TTN: variants seen among roughly 807,000 people sequenced by gnomAD.
TTN encodes the protein titin, also known as connectin.
TTN carries 1,525 observed loss-of-function variants against 3,223.0 expected under a neutral mutation model. The ratio of observed to expected loss-of-function variants is 0.47; its 90% CI spans 0.45 to 0.49. The LOEUF is 0.49. TTN is among the 20% of genes least tolerant of loss of function. TTN has a pLI of 0.00. For missense variants in TTN, 40,786 were observed against 43,424.0 expected (o/e 0.94, Z 5.40); for synonymous variants, 14,094 against 15,161.0 (o/e 0.93, Z 5.17).
In TTN at chr2:178,652,839, G is replaced by A. The variant is rs1394475514; in HGVS notation, c.38959+9C>T. 2.5e-6 allele frequency: 4 copies of A among 1,610,288 alleles called. No individual in the cohort carries two copies. Among genetic ancestry groups the A allele is most frequent in the Non-Finnish European group, 3.4e-6 (4 of 1,178,676 alleles). On this transcript the variant is annotated intron_variant, in intron 200 of 362. Coordinates refer to ENST00000589042, the MANE Select transcript of TTN (RefSeq NM_001267550.2). ...TGATCTTCTGAAGCCTAAAGCCAGT[G>A]ACAAATACCTTTAACAGGAGGGACT...
intron 155 of TTN, 74 bp downstream of exon 155, chr2:178,671,897 A>G (rs1319027892): frequency 1.1e-5 from 17 of 1,513,740 alleles, no homozygotes; most frequent in Admixed American, 6.9e-5. Flanking sequence ...TTCCAAACTG[A>G]ACACAAAATT....
At chr2:178,762,672 G>A (rs1457223502) in intron 43 of TTN, among the ~76,000 whole-genome samples, 1 of 152,044 alleles carries the variant, frequency 6.6e-6, no homozygotes, top group Admixed American at 6.6e-5. Flanking sequence ...TTGTATTATT[G>A]TGTTAGTAGG....
chr2:178,643,101 G>A (rs1177565391), intron 218 of TTN, among the ~76,000 whole-genome samples: 1 of 151,872 alleles, frequency 6.6e-6, no homozygotes, highest in Non-Finnish European at 1.5e-5. Flanking sequence ...AAAGGAACAC[G>A]TGGTGATTAT....
intron 240 of TTN, among the ~76,000 whole-genome samples, 181 bp from the exon 241 acceptor site, chr2:178,625,577 TTTA>T (rs1468205898): frequency 2.6e-5 from 4 of 151,884 alleles, no homozygotes; most frequent in Non-Finnish European, 5.9e-5. Context: ...TTTAAATTTA[TTTA>T]TTATTATTAT....
chr2:178,623,593 A>G (rs1396620811), intron 242 of TTN, among the ~76,000 whole-genome samples: 1 of 151,906 alleles, frequency 6.6e-6, no homozygotes, highest in Admixed American at 6.6e-5. Flanking sequence ...GTCAAGGTGA[A>G]GAAGGAGACC....
At position 178,775,557 on chromosome 2, in the gene TTN, C is replaced by T. The variant is rs2092130428; in HGVS notation, c.6307G>A (p.Gly2103Arg). The stretch of plus-strand genomic sequence containing the variant: ...CATTCACATTCGGGGTCTGGTTTCC[C>T]CACGACTCTGACCCGGAAGTGTGCA... Reference protein sequence around the residue: ...SDAHFRVRVVGKPDPECEWYK... With the variant: ...SDAHFRVRVVRKPDPECEWYK... The change falls in exon 28 of 363, where the codon GGG becomes AGG. Residue 2103 changes from glycine to arginine, a missense_variant. Gly to Arg is a moderately radical substitution (Grantham distance 125, BLOSUM62 -2). Coordinates refer to ENST00000589042, the MANE Select transcript of TTN (RefSeq NM_001267550.2). The T allele has an allele frequency of 2.5e-6, 4 of 1,613,872 alleles. No individual in the cohort carries two copies. Among genetic ancestry groups the T allele is most frequent in the African/African-American group, 2.7e-5 (2 of 74,898 alleles).
chr2:178,803,401 G>A (rs2094160561), intron 2 of TTN, among the ~76,000 whole-genome samples: 1 of 151,588 alleles, frequency 6.6e-6, no homozygotes, highest in African/African-American at 2.4e-5. Flanking sequence ...GTTACTGAGT[G>A]TTACCAGATA....
At position 178,670,236 on chromosome 2, in the gene TTN, TG is replaced by T; in HGVS notation, c.35367del (p.Arg11790GlufsTer25). 1.3e-6 allele frequency: 2 copies of T among 1,490,640 alleles called. No individual in the cohort carries two copies. The highest frequency in any genetic ancestry group is 1.8e-6 in the Non-Finnish European group (2 of 1,125,694). 92.3% of individuals were successfully genotyped at this position (1,490,640 alleles called of 1,614,324 possible). On this transcript the variant is annotated frameshift_variant, in exon 157 of 363. Coordinates refer to ENST00000589042, the MANE Select transcript of TTN (RefSeq NM_001267550.2). LOFTEE classifies it high-confidence loss of function. ...CAGTTACCTTTAGTTGGTGGAACTC[TG>T]GGCTCTTCAGGAACACGTACTTTTT... ...VEEKVRVPEE[P>X]RVPPTKAPEV...
At chr2:178,695,311 G>A in intron 115 of TTN, 37 bp downstream of exon 115, 1 of 1,533,282 alleles carries the variant, frequency 6.5e-7, no homozygotes, top group Non-Finnish European at 9.0e-7. Flanking sequence ...TAATGATGTT[G>A]ATGCTCTAGT....
rs749339946 is a variant in TTN at position 178,663,481 on chromosome 2, T to C, written c.36568A>G (p.Lys12190Glu). 18 of 1,612,642 alleles carry C rather than the reference T, an allele frequency of 1.1e-5. No individual in the cohort carries two copies. The highest frequency in any genetic ancestry group is 3.5e-4 in the Middle Eastern group (2 of 5,688). ...EAPKEVVPEK[K>E]VPVPPPKKPE... ...TTTTTAGGAGGAGGCACTGGCACTT[T>C]CTTTTCAGGAACAACTTCTTTGGGA... The change falls in exon 172 of 363, where the codon AAA becomes GAA. Residue 12190 changes from lysine to glutamate, a missense_variant. Physicochemically the swap from Lys to Glu is moderately conservative, Grantham distance 56. Coordinates refer to ENST00000589042, the MANE Select transcript of TTN (RefSeq NM_001267550.2).
rs1318872584 is a variant in TTN at position 178,604,784 on chromosome 2, A to G, written c.54305T>C (p.Ile18102Thr). 5 of 1,612,406 alleles carry G rather than the reference A, an allele frequency of 3.1e-6. No individual in the cohort carries two copies. Among genetic ancestry groups the G allele is most frequent in the Admixed American group, 3.3e-5 (2 of 59,926 alleles). ...NGGSEITHYV[I>T]DKRDASRKKA... ...CTTCCTACTTGCATCACGTTTGTCA[A>G]TAACATAATGGGTGATTTCACTGCC... is the stretch of plus-strand genomic sequence containing the variant. The change falls in exon 281 of 363, where the codon ATT becomes ACT. Residue 18102 changes from isoleucine to threonine, a missense_variant. Physicochemically the swap from Ile to Thr is moderately conservative, Grantham distance 89. Transcript: ENST00000589042.
In TTN at chr2:178,564,251, A is replaced by C. The variant is rs876658084; in HGVS notation, c.81881T>G (p.Val27294Gly). Residue 27294 changes from valine to glycine, a missense_variant, in exon 326 of 363, where the codon GTT (valine) becomes GGT (glycine). Val to Gly is a moderately radical substitution (Grantham distance 109). Coordinates refer to ENST00000589042, the MANE Select transcript of TTN (RefSeq NM_001267550.2). ...TTTGCCACGGATGTCGGCTTCAAGA[A>C]CAAAAGTCTCTCCTGCATGAACAAC... ...VIVVHAGETFVLEADIRGKPI... is the reference protein window; with the variant it reads ...VIVVHAGETFGLEADIRGKPI... The C allele has an allele frequency of 6.2e-7, 1 of 1,613,316 alleles. No homozygotes were observed. The highest frequency in any genetic ancestry group is 1.7e-5 in the Admixed American group (1 of 60,000).
chr2:178,778,708 A>G (rs956246251), intron 24 of TTN, 166 bp downstream of exon 24: 1 of 936,456 alleles, frequency 1.1e-6, no homozygotes, highest in Non-Finnish European at 1.6e-6. Context: ...CTCATCTTAC[A>G]CAGGGGCAAG....
chr2:178,569,904 T>C lies in TTN; in HGVS notation c.76228A>G (p.Asn25410Asp), dbSNP rs749561648. 1.1e-5 allele frequency: 17 copies of C among 1,613,332 alleles called. No individual in the cohort carries two copies. The highest frequency in any genetic ancestry group is 1.4e-5 in the Non-Finnish European group (17 of 1,179,584). Residue 25410 changes from asparagine (N) to aspartate (D), a missense_variant, in exon 326 of 363, where the codon AAC (asparagine) becomes GAC (aspartate). By Grantham distance (23) the Asn-to-Asp change is conservative. Coordinates refer to ENST00000589042, the MANE Select transcript of TTN (RefSeq NM_001267550.2). Reference protein sequence around the residue: ...CDPIYKPGPPNNPKVIDITRS... With the variant: ...CDPIYKPGPPDNPKVIDITRS... Reference sequence around the variant, plus strand: ...GTTATGTCTATGACTTTGGGGTTGTTTGGGGGTCCTGGTTTATAAATAGGA... The same window carrying C: ...GTTATGTCTATGACTTTGGGGTTGTCTGGGGGTCCTGGTTTATAAATAGGA...
In TTN at chr2:178,664,522, C is replaced by G; in HGVS notation, c.36218G>C (p.Arg12073Thr). 6.2e-7 allele frequency: 1 copy of G among 1,612,180 alleles called. No homozygotes were observed. The highest frequency in any genetic ancestry group is 8.5e-7 in the Non-Finnish European group (1 of 1,179,412). ...VLPDEVPEAL[R>T]EVVPEKKVHP... Reference sequence around the variant, plus strand: ...CACTTTCTTTTCCGGGACAACTTCTCTGAGAGCCTCCGGCACTTTGAAGAT... The same window carrying G: ...CACTTTCTTTTCCGGGACAACTTCTGTGAGAGCCTCCGGCACTTTGAAGAT... The change falls in exon 168 of 363, where the codon AGA becomes ACA. Residue 12073 changes from arginine to threonine, a missense_variant. Transcript: ENST00000589042.
chr2:178,652,583 A>T (rs775505996), intron 201 of TTN, 42 bp from the exon 202 acceptor site: 2 of 1,611,954 alleles, frequency 1.2e-6, no homozygotes, highest in Non-Finnish European at 1.7e-6. Flanking sequence ...AGTTATGAAG[A>T]CCATTAGGAA....
At chr2:178,584,209 T>C in intron 311 of TTN, 67 bp downstream of exon 311, 1 of 1,499,432 alleles carries the variant, frequency 6.7e-7, no homozygotes. Context: ...AATCTTAGAC[T>C]CCGAGATTTA....
Position 178,534,120 on chromosome 2 carries a change from A to G in TTN, c.102495T>C (p.Ser34165=). Residue 34165 remains serine (S), a synonymous_variant, in exon 358 of 363, where the codon TCT becomes TCC. Transcript: ENST00000589042. ...CGCCAAAGTACCAAGTCACTTGGGT[A>G]GACTGATCATAATTTTCAATTTTGC... ...YVCKIENYDQ[S]TQVTWYFGVR... is the part of the protein sequence containing the mutation. 6.2e-7 allele frequency: 1 copy of G among 1,613,960 alleles called. No individual in the cohort carries two copies. Among genetic ancestry groups the G allele is most frequent in the Non-Finnish European group, 8.5e-7 (1 of 1,179,856 alleles).
Position 178,616,577 on chromosome 2 carries a change from C to G in TTN, c.48214G>C (p.Val16072Leu). 1 of 1,612,368 alleles carries G rather than the reference C, an allele frequency of 6.2e-7. No homozygotes were observed. The highest frequency in any genetic ancestry group is 8.5e-7 in the Non-Finnish European group (1 of 1,178,986). Residue 16072 changes from valine (V) to leucine (L), a missense_variant, in exon 257 of 363, where the codon GTA becomes CTA. Val to Leu is a conservative substitution (Grantham distance 32). Coordinates refer to ENST00000589042, the MANE Select transcript of TTN (RefSeq NM_001267550.2). ...TCAGGTGGTTCCCAAGTCAAATGTACTGAGTCCTTGGTTATATCACCAAAT... is the reference window on the plus strand; with the variant it reads ...TCAGGTGGTTCCCAAGTCAAATGTAGTGAGTCCTTGGTTATATCACCAAAT... ...LKFGDITKDS[V>L]HLTWEPPDDD...
Sources: allele counts gnomAD v4.1 joint callset (sites outside exome capture counted in the v4.1 genomes callset), GRCh38; gene constraint gnomAD v4.1.1; transcripts MANE v1.5; gene names NCBI Gene and HGNC (gene_info 2026-07-23, HGNC 2026-07-21).